Variants in AIG1 observed in about 807,000 individuals in gnomAD.
The protein encoded by AIG1 is androgen induced 1.
A neutral mutation model predicts 31.4 loss-of-function variants in AIG1; 23 were observed. The observed-to-expected ratio is 0.73, with a 90% CI of 0.53 to 1.04. AIG1 has a LOEUF of 1.04. Among genes scored for constraint, AIG1 ranks in the 50% least tolerant of loss-of-function variants. AIG1 has a pLI of 0.00. For synonymous variants in AIG1, 100 were observed against 110.5 expected, an observed-to-expected ratio of 0.90 and a Z score of 0.60; for missense variants, 274 against 295.0, an observed-to-expected ratio of 0.93 and a Z score of 0.52.
intron 3 of AIG1, among the ~76,000 whole-genome samples, chr6:143,243,070 G>A (rs1367573671): frequency 6.6e-6 from 1 of 151,904 alleles, no homozygotes; most frequent in Non-Finnish European, 1.5e-5. Context: ...GATAGAGCTG[G>A]TTCCTGAGAT....
chr6:143,174,948 G>A (rs1034444570), intron 3 of AIG1, among the ~76,000 whole-genome samples: 19 of 152,090 alleles, frequency 1.2e-4, no homozygotes, highest in South Asian at 2.1e-4. Flanking sequence ...AGTGTATTTC[G>A]AGGATTTATT....
At chr6:143,343,234 A>G (rs1777890017), downstream of AIG1, 1 of 665,828 alleles carries the variant, frequency 1.5e-6, no homozygotes. Context: ...AAATTTTTTG[A>G]TTATGCAGCA....
chr6:143,287,456 C>T (rs1360540596), intron 4 of AIG1, among the ~76,000 whole-genome samples: 1 of 152,124 alleles, frequency 6.6e-6, no homozygotes. Context: ...GGTGCAAGCC[C>T]CATTGTGTGG....
At chr6:143,087,555 G>A (rs1296446009) in intron 1 of AIG1, among the ~76,000 whole-genome samples, 2 of 152,176 alleles carry the variant, frequency 1.3e-5, no homozygotes, top group Non-Finnish European at 2.9e-5. Context: ...AGTCAGCGGC[G>A]GGTCTGCGAC....
At chr6:143,262,849 G>A (rs1301424850) in intron 3 of AIG1, among the ~76,000 whole-genome samples, 1 of 152,254 alleles carries the variant, frequency 6.6e-6, no homozygotes, top group South Asian at 2.1e-4. Flanking sequence ...TGCCAAAATG[G>A]TGGTCAGTTT....
chr6:143,329,692 GTTTGT>G lies in AIG1; in HGVS notation c.516-3586_516-3582del, dbSNP rs1376879760. On this transcript the variant is annotated intron_variant, in intron 4 of 5. Coordinates refer to ENST00000357847, the MANE Select transcript of AIG1 (RefSeq NM_016108.4). This position sits in a 1 kb window ranked among gnomAD's most constrained non-coding sequence, Gnocchi z 4.9. ...CCACCACCTGGATTTTTGTTTGTTT[GTTTGT>G]TTTATGACTCAAAAGCTAAGAATGG... Among the ~76,000 whole-genome samples, 1 of 152,124 alleles carries G rather than the reference GTTTGT, an allele frequency of 6.6e-6. No individual in the cohort carries two copies. Among genetic ancestry groups the G allele is most frequent in the African/African-American group, 2.4e-5 (1 of 41,430 alleles).
chr6:143,332,017 G>A (rs546309970), intron 4 of AIG1, among the ~76,000 whole-genome samples: 7 of 151,694 alleles, frequency 4.6e-5, no homozygotes, highest in Admixed American at 2.6e-4. Flanking sequence ...GATTACAGGC[G>A]CGCACCACCA....
chr6:143,276,548 A>G (rs536043325), intron 3 of AIG1, among the ~76,000 whole-genome samples: 7 of 152,314 alleles, frequency 4.6e-5, no homozygotes, highest in Non-Finnish European at 1.0e-4. Flanking sequence ...CAGTTTCTGG[A>G]GAGAGATTCT....
rs1797817315 is a variant in AIG1, at chr6:143,288,119, A to C, written c.515+3894A>C. Among the ~76,000 whole-genome samples the C allele has an allele frequency of 6.6e-6, 1 of 152,130 alleles. No individual in the cohort carries two copies. Among genetic ancestry groups the C allele is most frequent in the Non-Finnish European group, 1.5e-5 (1 of 68,032 alleles). On this transcript the variant is annotated intron_variant, in intron 4 of 5. Coordinates refer to ENST00000357847, the MANE Select transcript of AIG1 (RefSeq NM_016108.4). The surrounding 1 kb of genome is among the most constrained non-coding windows in gnomAD (Gnocchi z 4.4). The stretch of plus-strand genomic sequence containing the variant: ...CACCTGGTGCAGCCGTCTGGGGCTG[A>C]ATCTTTTCCCGGGCTGGCTCCACCC...
intron 2 of AIG1, among the ~76,000 whole-genome samples, chr6:143,157,920 G>A (rs903335405): frequency 2.6e-5 from 4 of 151,980 alleles, no homozygotes; most frequent in Non-Finnish European, 5.9e-5. Context: ...TTCATTTCTT[G>A]TGATTATGCA....
chr6:143,270,695 T>G (rs978933790), intron 3 of AIG1, among the ~76,000 whole-genome samples: 2 of 152,244 alleles, frequency 1.3e-5, no homozygotes, highest in African/African-American at 4.8e-5. Flanking sequence ...TTTAAATAAG[T>G]TAGTATTTCT....
chr6:143,240,169 T>C (rs1020140684), intron 3 of AIG1, among the ~76,000 whole-genome samples: 2 of 152,232 alleles, frequency 1.3e-5, no homozygotes, highest in African/African-American at 2.4e-5. Context: ...GCAAGTCACT[T>C]AACCCCTCTA....
At chr6:143,253,527 T>C (rs1440379047) in intron 3 of AIG1, among the ~76,000 whole-genome samples, 2 of 152,248 alleles carry the variant, frequency 1.3e-5, no homozygotes, top group African/African-American at 2.4e-5. Flanking sequence ...AGGAGCTTTA[T>C]ACCTCCGCCA....
chr6:143,108,119 A>G (rs1780960390), intron 1 of AIG1, among the ~76,000 whole-genome samples: 1 of 147,880 alleles, frequency 6.8e-6, no homozygotes, highest in South Asian at 2.4e-4. Flanking sequence ...AATATAGGCA[A>G]GGTCTTACCC....
intron 3 of AIG1, among the ~76,000 whole-genome samples, chr6:143,263,475 C>T (rs1336130414): frequency 6.6e-6 from 1 of 152,050 alleles, no homozygotes; most frequent in Non-Finnish European, 1.5e-5. Context: ...ACATACACCA[C>T]ATTTTCTTTA....
rs568624823 is a variant in AIG1 at position 143,165,990 on chromosome 6, TC to T, written c.399+809del. Among the ~76,000 whole-genome samples, 646 of 152,304 alleles carry T rather than the reference TC, an allele frequency of 4.2e-3. 8 individuals are homozygous for T. Among genetic ancestry groups the T allele is most frequent in the African/African-American group, 0.015 (608 of 41,564 alleles). On this transcript the variant is annotated intron_variant, in intron 3 of 5. Transcript: ENST00000357847. ...GTTTTTAGAATATGTCCCAGGGTGTTCCTGGTGAAAAGGGCAGCCCATCACA... is the reference window on the plus strand; with the variant it reads ...GTTTTTAGAATATGTCCCAGGGTGTTCTGGTGAAAAGGGCAGCCCATCACA...
intron 3 of AIG1, among the ~76,000 whole-genome samples, chr6:143,199,998 G>C (rs1790565551): frequency 6.6e-6 from 1 of 152,208 alleles, no homozygotes; most frequent in Admixed American, 6.5e-5. Flanking sequence ...ACATGTGATA[G>C]TTTCCTGGTG....
intron 1 of AIG1, among the ~76,000 whole-genome samples, chr6:143,063,744 G>T (rs1776461120): frequency 2.6e-5 from 4 of 152,152 alleles, no homozygotes; most frequent in Admixed American, 2.6e-4. Context: ...TGGATTGCAG[G>T]AATCATTTAT....
intron 1 of AIG1, among the ~76,000 whole-genome samples, chr6:143,064,012 C>T (rs560980219): frequency 1.3e-5 from 2 of 152,250 alleles, no homozygotes; most frequent in South Asian, 4.1e-4. Context: ...TATTGAGAAA[C>T]TGTAAGAGAA....
Sources: gnomAD v4.1 joint callset for allele counts (sites outside exome capture counted in the v4.1 genomes callset) on GRCh38, gnomAD v4.1.1 for gene constraint, Gnocchi (gnomAD v3.1) non-coding constraint, MANE v1.5 for transcripts, NCBI Gene and HGNC (gene_info 2026-07-23, HGNC 2026-07-21) for gene names.